The following TKT variants were observed in gnomAD, a reference collection of about 807,000 sequenced individuals.
TKT encodes transketolase, also known as epididymis luminal protein 107.
TKT carries 47 observed loss-of-function variants against 63.9 expected under a neutral mutation model. The observed-to-expected ratio is 0.74, with a 90% CI of 0.58 to 0.94. The LOEUF is 0.94. Ranked by LOEUF, TKT falls within the 40% of genes least tolerant of loss-of-function variation. The probability of loss-of-function intolerance (pLI) is 0.00; values close to 1 mark genes in which losing one functional copy is unlikely to be tolerated. For missense variants in TKT, 721 were observed against 846.2 expected (o/e 0.85, Z 1.84); for synonymous variants, 338 against 334.1 (o/e 1.01, Z -0.13).
At chr3:53,239,882 G>A (rs992718095) in intron 4 of TKT, among the ~76,000 whole-genome samples, 1 of 152,226 alleles carries the variant, frequency 6.6e-6, no homozygotes, top group Non-Finnish European at 1.5e-5. Context: ...GGGCCTGGGG[G>A]TGGGTCTTTC....
At chr3:53,230,739 C>T (rs1704718165) in intron 7 of TKT, 118 bp from the exon 8 acceptor site, 1 of 1,249,098 alleles carries the variant, frequency 8.0e-7, no homozygotes, top group African/African-American at 1.5e-5. Flanking sequence ...AGCCCTGGAG[C>T]ACAAGGTCCT....
At position 53,229,361 on chromosome 3, in the gene TKT, G is replaced by A. The variant is rs782441298; in HGVS notation, c.1183C>T (p.Arg395Trp). 4.3e-6 allele frequency: 7 copies of A among 1,613,458 alleles called. No individual in the cohort carries two copies. Among genetic ancestry groups the A allele is most frequent in the South Asian group, 1.1e-5 (1 of 90,988 alleles). Residue 395 changes from arginine (R) to tryptophan (W), a missense_variant, in exon 9 of 14, where the codon CGG (arginine) becomes TGG (tryptophan). Coordinates refer to ENST00000462138, the MANE Select transcript of TKT (RefSeq NM_001064.4). ...GCCATGCGAATCTGGTCAAAGGCCC[G>A]CGTGAAGAAGGCTGCAAAAGTGCTG... ...FCSTFAAFFT[R>W]AFDQIRMAAI...
chr3:53,238,834 C>T (rs1553679240), intron 4 of TKT, among the ~76,000 whole-genome samples: 4 of 152,258 alleles, frequency 2.6e-5, no homozygotes, highest in African/African-American at 9.6e-5. Flanking sequence ...ACCCAACTCA[C>T]AGGGGGCTTT....
chr3:53,228,437 C>T lies in TKT; in HGVS notation c.1396-78G>A, dbSNP rs1704599719. The T allele has an allele frequency of 2.0e-6, 3 of 1,500,270 alleles. No homozygotes were observed. The Admixed American group carries it at 5.0e-5, about 25-fold the overall frequency. 92.9% of individuals were successfully genotyped at this position (1,500,270 alleles called of 1,614,324 possible). A position where few individuals can be genotyped will look rare whatever the true frequency, so the allele number is the denominator to read the frequency against. ...AGAGACGAGGTCTTTCTAGAGAGGC[C>T]ATCCCTTCCCATGGGAGCGTTAGTT... On this transcript the variant is annotated intron_variant, in intron 10 of 13. Coordinates refer to ENST00000462138, the MANE Select transcript of TKT (RefSeq NM_001064.4).
At chr3:53,247,070 T>TC (rs1258097224) in intron 1 of TKT, among the ~76,000 whole-genome samples, 1 of 151,336 alleles carries the variant, frequency 6.6e-6, no homozygotes, top group Non-Finnish European at 1.5e-5. Context: ...ATACTTTTTT[T>TC]TTTTTAAATA....
chr3:53,226,836 G>A lies in TKT; in HGVS notation c.1616C>T (p.Pro539Leu). 6.2e-7 allele frequency: 1 copy of A among 1,613,944 alleles called. No individual in the cohort carries two copies. The highest frequency in any genetic ancestry group is 8.5e-7 in the Non-Finnish European group (1 of 1,179,892). Reference sequence around the variant, plus strand: ...GTCGAGAATGAGTTTTCTGTCCAGGGGCTTGATGGTGAAGGGGTCCAGCAC... The same window carrying A: ...GTCGAGAATGAGTTTTCTGTCCAGGAGCTTGATGGTGAAGGGGTCCAGCAC... The part of the protein sequence containing the change: ...IRVLDPFTIK[P>L]LDRKLILDSA... Residue 539 changes from proline to leucine, a missense_variant, in exon 13 of 14, where the codon CCC becomes CTC. Transcript: ENST00000462138.
At chr3:53,240,773 C>T (rs1323330059) in intron 3 of TKT, among the ~76,000 whole-genome samples, 6 of 152,216 alleles carry the variant, frequency 3.9e-5, no homozygotes, top group Non-Finnish European at 8.8e-5. Context: ...CAAACTGGGT[C>T]CCTTCCCCAG....
intron 2 of TKT, among the ~76,000 whole-genome samples, 182 bp from the exon 3 acceptor site, chr3:53,241,427 G>A (rs184505133): frequency 8.5e-4 from 129 of 152,374 alleles, no homozygotes; most frequent in Non-Finnish European, 1.4e-3. Flanking sequence ...TTGGTTTTCA[G>A]CCCAAAGTTC....
Position 53,255,888 on chromosome 3 carries a change from C to A in TKT, c.55G>T (p.Ala19Ser). 6.5e-7 allele frequency: 1 copy of A among 1,549,978 alleles called. No homozygotes were observed. Among genetic ancestry groups the A allele is most frequent in the Non-Finnish European group, 8.7e-7 (1 of 1,148,912 alleles). The change falls in exon 1 of 14, where the codon GCC becomes TCC. Residue 19 changes from alanine (A) to serine (S), a missense_variant. Physicochemically the swap from Ala to Ser is moderately conservative, Grantham distance 99 (BLOSUM62 1). Coordinates refer to ENST00000462138, the MANE Select transcript of TKT (RefSeq NM_001064.4). ...QQKLQALKDT[A>S]NRLRISSIQA... ...ATGGAGCTGATACGTAGGCGGTTGGCCGTGTCCTTCAAGGCCTGCAGCTTC... is the reference window on the plus strand; with the variant it reads ...ATGGAGCTGATACGTAGGCGGTTGGACGTGTCCTTCAAGGCCTGCAGCTTC...
chr3:53,253,773 AT>A (rs1400069437), intron 1 of TKT, among the ~76,000 whole-genome samples: 9 of 150,636 alleles, frequency 6.0e-5, no homozygotes, highest in Admixed American at 1.3e-4. Context: ...CAAAAAAAAA[AT>A]TTTTTTTTTA....
intron 8 of TKT, among the ~76,000 whole-genome samples, 198 bp from the exon 9 acceptor site, chr3:53,229,634 C>T (rs926857433): frequency 9.2e-5 from 14 of 152,206 alleles, no homozygotes; most frequent in Admixed American, 1.3e-4. Context: ...GGGCAGCAGC[C>T]TCATGCCTGC....
Position 53,225,863 on chromosome 3 carries a change from C to G in TKT, c.1765G>C (p.Val589Leu). Residue 589 changes from valine (V) to leucine (L), a missense_variant, in exon 14 of 14, where the codon GTT becomes CTT. By Grantham distance (32) the Val-to-Leu change is conservative (BLOSUM62 1). Coordinates refer to ENST00000462138, the MANE Select transcript of TKT (RefSeq NM_001064.4). ...EPGITVTHLA[V>L]NRVPRSGKPA... Reference sequence around the variant, plus strand: ...TTCCCACTTCTTGGTACCCGGTTAACTGCCAGGTGGGTGACAGTGATGCCA... The same window carrying G: ...TTCCCACTTCTTGGTACCCGGTTAAGTGCCAGGTGGGTGACAGTGATGCCA... 2.5e-6 allele frequency: 4 copies of G among 1,614,134 alleles called. No homozygotes were observed. The highest frequency in any genetic ancestry group is 3.4e-6 in the Non-Finnish European group (4 of 1,180,012).
At chr3:53,245,267 T>C (rs1251772565) in intron 1 of TKT, among the ~76,000 whole-genome samples, 6 of 147,470 alleles carry the variant, frequency 4.1e-5, no homozygotes, top group African/African-American at 1.0e-4. Flanking sequence ...GATTGCACCA[T>C]TGCACTCCAG....
rs1285512668 is a variant in TKT, at chr3:53,234,976, T to TACATACCCGAAGGCCTCGC, written c.617_629+6dup. On this transcript the variant is annotated splice_region_variant and intron_variant, in intron 5 of 13. Transcript: ENST00000462138. ...TGACCACACTCAGGCCACAGCCTCG[T>TACATACCCGAAGGCCTCGC]ACATACCCGAAGGCCTCGCACCGCT... 3.1e-6 allele frequency: 5 copies of TACATACCCGAAGGCCTCGC among 1,608,904 alleles called. No homozygotes were observed. Among genetic ancestry groups the TACATACCCGAAGGCCTCGC allele is most frequent in the Non-Finnish European group, 4.2e-6 (5 of 1,176,992 alleles).
chr3:53,232,980 A>AT, intron 6 of TKT, 176 bp downstream of exon 6: 1 of 597,630 alleles, frequency 1.7e-6, no homozygotes, highest in Non-Finnish European at 2.9e-6. Context: ...CTGAGTTTAA[A>AT]TCCTGGCTCA....
chr3:53,228,755 G>A (rs1227992563), intron 10 of TKT: 19 of 572,888 alleles, frequency 3.3e-5, no homozygotes, highest in South Asian at 2.8e-4. Context: ...GGTGTCAACC[G>A]CTGGACCGGC....
At chr3:53,248,420 A>C (rs1175302013) in intron 1 of TKT, among the ~76,000 whole-genome samples, 2 of 152,186 alleles carry the variant, frequency 1.3e-5, no homozygotes, top group Non-Finnish European at 2.9e-5. Context: ...CAGGAAGAGG[A>C]CTTGAGCCCA....
rs1029615655 is a variant in TKT at position 53,226,746 on chromosome 3, G to T, written c.1696+10C>A. 1.9e-6 allele frequency: 3 copies of T among 1,614,104 alleles called. No individual in the cohort carries two copies. Among genetic ancestry groups the T allele is most frequent in the East Asian group, 2.2e-5 (1 of 44,878 alleles). Reference sequence around the variant, plus strand: ...CCCTTGCCCAGCCTGCCTGCCCCAGGCCTCCTTACCTTCATAATAATGGTC... The same window carrying T: ...CCCTTGCCCAGCCTGCCTGCCCCAGTCCTCCTTACCTTCATAATAATGGTC... On this transcript the variant is annotated intron_variant, in intron 13 of 13. Transcript: ENST00000462138.
intron 1 of TKT, among the ~76,000 whole-genome samples, chr3:53,242,900 A>T (rs782287799): frequency 6.6e-6 from 1 of 152,118 alleles, no homozygotes; most frequent in Non-Finnish European, 1.5e-5. Flanking sequence ...GGGCTTTCCA[A>T]TTGCATCACT....
Sources: gnomAD v4.1 joint callset for allele counts (sites outside exome capture counted in the v4.1 genomes callset) on GRCh38, gnomAD v4.1.1 for gene constraint, MANE v1.5 for transcripts, NCBI Gene and HGNC (gene_info 2026-07-23, HGNC 2026-07-21) for gene names.